Variants in XYLB observed in about 807,000 individuals in gnomAD.
XYLB encodes the protein xylulose kinase.
Under a neutral mutation model 78.7 loss-of-function variants are expected in XYLB, and 62 were observed. That is an observed-to-expected ratio of 0.79 (90% CI 0.64 to 0.97). The LOEUF (loss-of-function observed/expected upper bound fraction) is 0.97, where lower values mean the gene tolerates loss of function less well. XYLB is among the 50% of genes least tolerant of loss of function. The pLI is 0.00. For synonymous variants in XYLB, 245 were observed against 247.4 expected (o/e 0.99, Z 0.09); for missense variants, 687 against 676.8 (o/e 1.02, Z -0.17).
chr3:38,372,484 A>T (rs1559589363), intron 9 of XYLB, 171 bp from the exon 10 acceptor site: 3 of 985,242 alleles, frequency 3.0e-6, no homozygotes, highest in South Asian at 4.7e-5. Context: ...AACAGGAGGG[A>T]CATGCCCAGT....
At chr3:38,376,351 C>T (rs116059325) in intron 13 of XYLB, 119 bp downstream of exon 13, 18,741 of 704,938 alleles carry the variant, frequency 0.027, 388 homozygotes, top group Non-Finnish European at 0.035. Context: ...CAGGGGAGTC[C>T]TGTCTGTCTG....
rs1708718803 is a variant in XYLB at position 38,414,385 on chromosome 3, G to A, written c.*1372G>A. The A allele has an allele frequency of 6.6e-6, 1 of 152,160 alleles. No individual in the cohort carries two copies. Among genetic ancestry groups the A allele is most frequent in the African/African-American group, 2.4e-5 (1 of 41,418 alleles). The allele number at this position is 152,160 out of a possible 1,614,324, so 9.4% of individuals were successfully genotyped here. A position where few individuals can be genotyped will look rare whatever the true frequency, so the allele number is the denominator to read the frequency against. ...AGAGGTTAAAGATAATGGCCCATTA[G>A]ATACAACAGCAAGCCCAAGATTCCG... is the stretch of plus-strand genomic sequence containing the variant. On this transcript the variant is annotated 3_prime_UTR_variant, in exon 19 of 19. Coordinates refer to ENST00000207870, the MANE Select transcript of XYLB (RefSeq NM_005108.4).
chr3:38,394,458 A>ATT (rs1236391614), intron 15 of XYLB, among the ~76,000 whole-genome samples: 2 of 152,174 alleles, frequency 1.3e-5, no homozygotes, highest in Non-Finnish European at 2.9e-5. Context: ...TAGATGGACT[A>ATT]TTGTCTGCAA....
intron 8 of XYLB, 99 bp from the exon 9 acceptor site, chr3:38,369,957 G>T: frequency 1.0e-6 from 1 of 1,004,244 alleles, no homozygotes. Flanking sequence ...CCAGGTACAA[G>T]TTGTGGCAAG....
intron 15 of XYLB, among the ~76,000 whole-genome samples, chr3:38,384,649 T>G (rs1707302555): frequency 1.3e-5 from 2 of 151,956 alleles, no homozygotes; most frequent in East Asian, 3.9e-4. Context: ...AAATATGGAA[T>G]AAGAAGCAAA....
chr3:38,368,907 A>G (rs955749862), intron 8 of XYLB, among the ~76,000 whole-genome samples: 2 of 152,186 alleles, frequency 1.3e-5, no homozygotes, highest in Non-Finnish European at 2.9e-5. Context: ...TTTGTTTCAC[A>G]TTTGGTGAAC....
chr3:38,372,314 T>C (rs1706611606), intron 9 of XYLB: 1 of 910,856 alleles, frequency 1.1e-6, no homozygotes, highest in African/African-American at 1.8e-5. Context: ...CTGTTACCTT[T>C]TTTTTTTTAA....
At chr3:38,398,383 G>A (rs980083485) in intron 17 of XYLB, among the ~76,000 whole-genome samples, 25 of 151,620 alleles carry the variant, frequency 1.6e-4, no homozygotes, top group African/African-American at 4.4e-4. Context: ...CAGGAGAATC[G>A]CTTGAACCCG....
At chr3:38,354,064 ATGTT>A (rs924695988) in intron 2 of XYLB, among the ~76,000 whole-genome samples, 9 of 151,550 alleles carry the variant, frequency 5.9e-5, no homozygotes, top group East Asian at 5.8e-4. Flanking sequence ...GCTCTGTAAT[ATGTT>A]TGTTTGTTTG....
chr3:38,415,856 TGGCTGGGGA>T (rs1207039892), downstream of XYLB, among the ~76,000 whole-genome samples: 8 of 152,256 alleles, frequency 5.3e-5, no homozygotes, highest in East Asian at 1.2e-3. Flanking sequence ...CAGTTCCACA[TGGCTGGGGA>T]GGCCTCAGGA....
chr3:38,415,656 G>A (rs767365589), downstream of XYLB, among the ~76,000 whole-genome samples: 2 of 152,112 alleles, frequency 1.3e-5, no homozygotes, highest in Non-Finnish European at 2.9e-5. Context: ...GGTGGTGCAC[G>A]CCTGTAATCC....
the XYLB span, among the ~76,000 whole-genome samples, chr3:38,448,281 C>T: frequency 1.1e-4 from 17 of 152,146 alleles, no homozygotes; most frequent in African/African-American, 4.1e-4. Flanking sequence ...TTAAAGGGTA[C>T]AAACATACAG....
At chr3:38,397,459 G>T (rs1399988744) in intron 17 of XYLB, among the ~76,000 whole-genome samples, 1 of 152,174 alleles carries the variant, frequency 6.6e-6, no homozygotes, top group Admixed American at 6.5e-5. Context: ...GAGCACGTGG[G>T]CATGAGTCTG....
chr3:38,380,692 A>G (rs1369709413), intron 15 of XYLB, among the ~76,000 whole-genome samples: 5 of 152,228 alleles, frequency 3.3e-5, no homozygotes, highest in African/African-American at 1.2e-4. Context: ...TAAAGGCACA[A>G]CAGGAATTTT....
At chr3:38,428,721 G>A in the XYLB span, among the ~76,000 whole-genome samples, 3 of 152,104 alleles carry the variant, frequency 2.0e-5, no homozygotes, top group Non-Finnish European at 2.9e-5. Context: ...CTGTCTTTTG[G>A]TTAGAGTGTT....
At chr3:38,403,289 CAAA>C (rs35593230) in intron 18 of XYLB, among the ~76,000 whole-genome samples, 5 of 126,498 alleles carry the variant, frequency 4.0e-5, no homozygotes, top group Non-Finnish European at 6.5e-5. Flanking sequence ...GACCCTGTCT[CAAA>C]AAAAAAAAAA....
At chr3:38,423,155 C>T (rs1406079688), downstream of XYLB, among the ~76,000 whole-genome samples, 2 of 152,200 alleles carry the variant, frequency 1.3e-5, no homozygotes, top group East Asian at 3.9e-4. Context: ...TCACTGCAAG[C>T]TCCGCCTCCT....
intron 15 of XYLB, among the ~76,000 whole-genome samples, chr3:38,384,042 T>G (rs1358244125): frequency 6.6e-6 from 1 of 152,072 alleles, no homozygotes; most frequent in African/African-American, 2.4e-5. Context: ...TTGTTTTTTT[T>G]GTTTGTTTGT....
chr3:38,406,128 G>A lies in XYLB; in HGVS notation c.1533+5143G>A, dbSNP rs539004714. Among the ~76,000 whole-genome samples the A allele has an allele frequency of 7.9e-5, 12 of 152,340 alleles. No homozygotes were observed. The South Asian group carries it at 2.3e-3, about 29-fold the overall frequency. ...TGACCCCCGAGCAGCCTACCTGGGA[G>A]GCACCCCCCAGTAGGGGCAGATTGA... On this transcript the variant is annotated intron_variant, in intron 18 of 18. Coordinates refer to ENST00000207870, the MANE Select transcript of XYLB (RefSeq NM_005108.4).
Sources: gnomAD v4.1 joint callset for allele counts (sites outside exome capture counted in the v4.1 genomes callset) on GRCh38, gnomAD v4.1.1 for gene constraint, MANE v1.5 for transcripts, NCBI Gene and HGNC (gene_info 2026-07-23, HGNC 2026-07-21) for gene names.